The following SRSF11 variants were observed in gnomAD, a reference collection of about 807,000 sequenced individuals.
SRSF11 encodes the protein serine and arginine rich splicing factor 11.
Under a neutral mutation model 56.0 loss-of-function variants are expected in SRSF11, and 9 were observed. The ratio of observed to expected loss-of-function variants is 0.16; its 90% confidence interval spans 0.10 to 0.28. The LOEUF is 0.28. SRSF11 is among the 10% of genes least tolerant of loss of function. SRSF11 has a pLI of 1.00. For synonymous variants in SRSF11, 222 were observed against 215.3 expected (o/e 1.03, Z -0.27); for missense variants, 421 against 600.7 (o/e 0.70, Z 3.13).
rs1676383757 is a variant in SRSF11 at position 70,244,901 on chromosome 1, T to TGCGGGGC, written c.932+87_932+93dup. The TGCGGGGC allele has an allele frequency of 1.0e-5, 14 of 1,365,758 alleles. No individual in the cohort carries two copies. In the South Asian group the frequency reaches 2.0e-4, roughly 19 times the overall value. The allele number at this position is 1,365,758 out of a possible 1,614,324, so 84.6% of individuals were successfully genotyped here. A position where few individuals can be genotyped will look rare whatever the true frequency, so the allele number is the denominator to read the frequency against. On this transcript the variant is annotated intron_variant, in intron 8 of 11. Coordinates refer to ENST00000370949, the MANE Select transcript of SRSF11 (RefSeq NM_001350605.2). ...TTAGTAACAAAAGAGGTGGTTGGGGTGCGGGGCAGAGAAATAGGGCTAGAC... is the reference window on the plus strand; with the variant it reads ...TTAGTAACAAAAGAGGTGGTTGGGGTGCGGGGCGCGGGGCAGAGAAATAGGGCTAGAC...
chr1:70,244,577 T>G, intron 7 of SRSF11, 107 bp from the exon 8 acceptor site: 12 of 1,185,598 alleles, frequency 1.0e-5, no homozygotes, highest in East Asian at 5.0e-5. Flanking sequence ...TTATCCCCCA[T>G]TTAATTGTTT....
intron 1 of SRSF11, among the ~76,000 whole-genome samples, chr1:70,225,736 A>G (rs1671634863): frequency 6.6e-6 from 1 of 152,162 alleles, no homozygotes; most frequent in Non-Finnish European, 1.5e-5. Context: ...CACCGCTCTT[A>G]GTTGGAGGAC....
At chr1:70,241,745 T>A (rs1675453087) in intron 7 of SRSF11, among the ~76,000 whole-genome samples, 1 of 152,240 alleles carries the variant, frequency 6.6e-6, no homozygotes, top group African/African-American at 2.4e-5. Context: ...TTTTCTTTCT[T>A]CAAGATACAA....
intron 1 of SRSF11, among the ~76,000 whole-genome samples, chr1:70,223,085 A>G (rs1434064265): frequency 6.6e-6 from 1 of 152,252 alleles, no homozygotes; most frequent in African/African-American, 2.4e-5. Flanking sequence ...AATAGCTTTC[A>G]TAACATGAAC....
chr1:70,231,929 G>T (rs1327847545), intron 2 of SRSF11: 1 of 1,529,002 alleles, frequency 6.5e-7, no homozygotes, highest in Non-Finnish European at 8.7e-7. Flanking sequence ...CTGGAGAACC[G>T]ACTGTGCTTG....
chr1:70,240,701 G>A (rs992945927), intron 7 of SRSF11, among the ~76,000 whole-genome samples: 6 of 151,308 alleles, frequency 4.0e-5, no homozygotes, highest in African/African-American at 1.5e-4. Context: ...TCAGAACTAG[G>A]ATATTCCAGT....
chr1:70,246,757 CTA>C, intron 8 of SRSF11, 59 bp from the exon 9 acceptor site: 1 of 1,004,648 alleles, frequency 1.0e-6, no homozygotes, highest in East Asian at 2.4e-5. Context: ...GTTTGTAGTG[CTA>C]TATAAATTGG....
intron 1 of SRSF11, among the ~76,000 whole-genome samples, chr1:70,227,879 A>G (rs1231615026): frequency 6.6e-6 from 1 of 152,206 alleles, no homozygotes; most frequent in Non-Finnish European, 1.5e-5. Flanking sequence ...GAAATCCTTG[A>G]TTATTTACAG....
upstream of SRSF11, chr1:70,218,803 A>G (rs937420301): frequency 1.3e-5 from 2 of 152,224 alleles, no homozygotes; most frequent in African/African-American, 4.8e-5. Flanking sequence ...GTATTCACAG[A>G]TACTTATTTA....
intron 4 of SRSF11, 96 bp downstream of exon 4, chr1:70,234,884 A>G (rs1043836515): frequency 2.2e-5 from 21 of 963,504 alleles, no homozygotes; most frequent in East Asian, 1.0e-4. Context: ...GCTAATGGCT[A>G]TGTTGTAGTA....
chr1:70,246,063 G>C (rs1676673099), intron 8 of SRSF11, among the ~76,000 whole-genome samples: 1 of 152,094 alleles, frequency 6.6e-6, no homozygotes, highest in Non-Finnish European at 1.5e-5. Context: ...TGAGAATGCA[G>C]AATGGAAAGA....
upstream of SRSF11, chr1:70,205,698 C>T (rs1232572636): frequency 3.1e-6 from 2 of 655,100 alleles, no homozygotes; most frequent in African/African-American, 3.6e-5. Flanking sequence ...CAGATGTCGT[C>T]AGCACCAGCG....
At chr1:70,230,915 T>G in intron 2 of SRSF11, 8 of 1,193,284 alleles carry the variant, frequency 6.7e-6, no homozygotes, top group Non-Finnish European at 8.5e-6. Flanking sequence ...CTAAATGATC[T>G]TCTCCCCCTT....
intron 7 of SRSF11, among the ~76,000 whole-genome samples, chr1:70,244,371 T>G (rs1453070581): frequency 1.3e-5 from 2 of 152,168 alleles, no homozygotes; most frequent in African/African-American, 4.8e-5. Flanking sequence ...AAATAAGTCA[T>G]ACTTTTATTC....
chr1:70,240,189 G>C (rs1675023033), intron 7 of SRSF11, among the ~76,000 whole-genome samples: 1 of 152,106 alleles, frequency 6.6e-6, no homozygotes, highest in African/African-American at 2.4e-5. Flanking sequence ...TCATCACACA[G>C]AATATTACTC....
At chr1:70,209,737 CTTCTTTTTTTTTTTTT>C (rs2100443784) in intron 1 of SRSF11, among the ~76,000 whole-genome samples, 1 of 60,834 alleles carries the variant, frequency 1.6e-5, no homozygotes, top group African/African-American at 6.9e-5. Context: ...AAGCACCTCG[CTTCTTTTTTTTTTTTT>C]TTTTTTTTTT....
chr1:70,232,527 A>C (rs1055920357), intron 3 of SRSF11, 150 bp downstream of exon 3: 7 of 609,548 alleles, frequency 1.1e-5, no homozygotes, highest in Non-Finnish European at 1.7e-5. Context: ...AGTATAGAAG[A>C]TCTCTTAGAC....
Position 70,235,378 on chromosome 1 carries a change from A to G in SRSF11, c.541-123A>G, listed in dbSNP as rs183170027. 1,154 of 796,388 alleles carry G rather than the reference A, an allele frequency of 1.4e-3. 2 individuals carry two copies. Among genetic ancestry groups the G allele is most frequent in the Admixed American group, 2.5e-3 (84 of 33,040 alleles). The allele number at this position is 796,388 out of a possible 1,614,324, so 49.3% of individuals were successfully genotyped here. ...TTTTTTCTTTTTTAATGTGGCTACT[A>G]AAAAATTTATGTTTCATGGCATGTA... On this transcript the variant is annotated intron_variant, in intron 4 of 11. Transcript: ENST00000370949.
intron 7 of SRSF11, 32 bp downstream of exon 7, chr1:70,239,552 G>T: frequency 6.9e-7 from 1 of 1,459,502 alleles, no homozygotes; most frequent in Non-Finnish European, 9.4e-7. Flanking sequence ...TTATACCTTA[G>T]ACAAAGATAA....
Sources: gnomAD v4.1 joint callset for allele counts (sites outside exome capture counted in the v4.1 genomes callset) on GRCh38, gnomAD v4.1.1 for gene constraint, MANE v1.5 for transcripts, NCBI Gene and HGNC (gene_info 2026-07-23, HGNC 2026-07-21) for gene names.